Variants in PHF3 observed in about 807,000 individuals in gnomAD.
PHF3 encodes the protein PHD finger protein 3.
PHF3 carries 41 observed loss-of-function variants against 178.4 expected under a neutral mutation model. The observed-to-expected ratio is 0.23, with a 90% CI of 0.18 to 0.30. The LOEUF (loss-of-function observed/expected upper bound fraction) is 0.30, where lower values mean the gene tolerates loss of function less well. Ranked by LOEUF, PHF3 falls within the 10% of genes least tolerant of loss-of-function variation. PHF3 has a pLI of 1.00. For missense variants in PHF3, 2,346 were observed against 2,398.1 expected (o/e 0.98, Z 0.45); for synonymous variants, 842 against 800.5 (o/e 1.05, Z -0.88).
chr6:63,636,001 A>C lies in PHF3; in HGVS notation c.-175A>C. 2.5e-6 allele frequency: 1 copy of C among 397,690 alleles called. No homozygotes were observed. The highest frequency in any genetic ancestry group is 4.4e-6 in the Non-Finnish European group (1 of 225,468). 24.6% of individuals were successfully genotyped at this position (397,690 alleles called of 1,614,324 possible). A position where few individuals can be genotyped will look rare whatever the true frequency, so the allele number is the denominator to read the frequency against. ...TCAGCAGCAGCCATTTGGTCCCAGG[A>C]GGAAAAGAGGCTGTGGCAGCGACGC... On this transcript the variant is annotated 5_prime_UTR_variant, in exon 1 of 16. Coordinates refer to ENST00000262043, the MANE Select transcript of PHF3 (RefSeq NM_001370348.2).
chr6:63,698,040 G>GT (rs1160827676), intron 6 of PHF3, among the ~76,000 whole-genome samples, 183 bp from the exon 7 acceptor site: 4 of 152,140 alleles, frequency 2.6e-5, no homozygotes, highest in African/African-American at 4.8e-5. Context: ...AGTAGGACCA[G>GT]TTTTTAGTCA....
chr6:63,649,993 G>A (rs1001011956), intron 2 of PHF3, among the ~76,000 whole-genome samples: 4 of 152,140 alleles, frequency 2.6e-5, no homozygotes, highest in Admixed American at 1.3e-4. Context: ...AAACAAATGT[G>A]TTCCCTTTTT....
At chr6:63,693,445 G>A (rs1168670504) in intron 5 of PHF3, among the ~76,000 whole-genome samples, 2 of 152,034 alleles carry the variant, frequency 1.3e-5, no homozygotes, top group African/African-American at 2.4e-5. Flanking sequence ...GTGAAACCCC[G>A]TCTCTACTAA....
intron 2 of PHF3, among the ~76,000 whole-genome samples, chr6:63,657,357 C>T (rs1010570877): frequency 6.6e-6 from 1 of 152,132 alleles, no homozygotes; most frequent in Non-Finnish European, 1.5e-5. Context: ...CAGAAATTCG[C>T]ATATAACTTT....
chr6:63,699,677 C>T (rs766222824), intron 8 of PHF3, among the ~76,000 whole-genome samples: 3 of 152,082 alleles, frequency 2.0e-5, no homozygotes, highest in Admixed American at 2.0e-4. Flanking sequence ...CTGCAGCCTC[C>T]ACTCCCGGGT....
intron 4 of PHF3, among the ~76,000 whole-genome samples, chr6:63,689,838 AG>A (rs1420204001): frequency 6.6e-6 from 1 of 152,156 alleles, no homozygotes; most frequent in African/African-American, 2.4e-5. Context: ...TTTGTACTGT[AG>A]GTTTTTAAGT....
intron 3 of PHF3, among the ~76,000 whole-genome samples, chr6:63,680,688 T>C (rs1026302318): frequency 2.6e-5 from 4 of 152,108 alleles, no homozygotes; most frequent in African/African-American, 7.2e-5. Context: ...CTCAGTTGTT[T>C]AGTGTGTACA....
In PHF3 at chr6:63,711,588, C is replaced by G; in HGVS notation, c.4000C>G (p.Leu1334Val). ...TTGATGTTTTTGGTTTTATACAGGG[C>G]TTGAACTGCATAGACCTAATCTATT... ...HPLVPFDGPG[L>V]ELHRPNLLLG... is the part of the protein sequence containing the mutation. Residue 1334 changes from leucine to valine, a missense_variant and splice_region_variant, in exon 16 of 16, where the codon CTT becomes GTT. By Grantham distance (32) the Leu-to-Val change is conservative (BLOSUM62 1). Around this residue, in one of 8 missense-constraint regions of PHF3, gnomAD observed 90 missense variants for 136.6 expected, o/e 0.66. Transcript: ENST00000262043. 6.4e-7 allele frequency: 1 copy of G among 1,567,360 alleles called. No homozygotes were observed. The highest frequency in any genetic ancestry group is 1.4e-5 in the African/African-American group (1 of 72,256).
At chr6:63,648,255 G>T (rs865777429) in intron 2 of PHF3, among the ~76,000 whole-genome samples, 28 of 152,068 alleles carry the variant, frequency 1.8e-4, no homozygotes, top group African/African-American at 6.5e-4. Flanking sequence ...TGTATGCATT[G>T]TTCAAGTTTT....
intron 2 of PHF3, among the ~76,000 whole-genome samples, chr6:63,648,566 GAA>G (rs1164618711): frequency 3.3e-5 from 5 of 152,116 alleles, no homozygotes; most frequent in Non-Finnish European, 7.4e-5. Flanking sequence ...TGTTGATAAT[GAA>G]AAGTTTTTAT....
intron 8 of PHF3, 45 bp downstream of exon 8, chr6:63,698,650 G>C: frequency 7.6e-7 from 1 of 1,315,140 alleles, no homozygotes; most frequent in Non-Finnish European, 1.0e-6. Context: ...ACTTTCCTGA[G>C]TACATAGGTA....
intron 4 of PHF3, among the ~76,000 whole-genome samples, chr6:63,687,575 A>G: frequency 6.6e-6 from 1 of 152,178 alleles, no homozygotes; most frequent in East Asian, 1.9e-4. Flanking sequence ...GTGGACAGAG[A>G]GATGGAATAG....
chr6:63,654,598 A>C (rs1765152870), intron 2 of PHF3, among the ~76,000 whole-genome samples: 1 of 152,228 alleles, frequency 6.6e-6, no homozygotes, highest in African/African-American at 2.4e-5. Context: ...GGAAATGCCA[A>C]AAGATCGAAA....
intron 1 of PHF3, among the ~76,000 whole-genome samples, chr6:63,645,661 AT>A (rs1294323027): frequency 6.6e-6 from 1 of 152,164 alleles, no homozygotes; most frequent in Non-Finnish European, 1.5e-5. Flanking sequence ...AAATATGTTG[AT>A]TCAGTTTTCT....
intron 9 of PHF3, among the ~76,000 whole-genome samples, chr6:63,701,682 A>T (rs78743020): frequency 0.012 from 1,804 of 152,264 alleles, 30 homozygotes; most frequent in African/African-American, 0.042. Context: ...TTGACATATC[A>T]TACTTCTTCA....
intron 1 of PHF3, among the ~76,000 whole-genome samples, chr6:63,642,555 A>T (rs887086568): frequency 6.6e-6 from 1 of 152,228 alleles, no homozygotes; most frequent in Non-Finnish European, 1.5e-5. Flanking sequence ...TTGTCTGTAA[A>T]AATGAATTTA....
chr6:63,640,554 C>G (rs554144506), intron 1 of PHF3, among the ~76,000 whole-genome samples: 5 of 152,188 alleles, frequency 3.3e-5, no homozygotes, highest in Non-Finnish European at 7.3e-5. Context: ...TTTAACCTTA[C>G]AAACACATAG....
rs1330287684 is a variant in PHF3 at position 63,685,926 on chromosome 6, G to T, written c.2189+15G>T. 1.3e-6 allele frequency: 2 copies of T among 1,562,612 alleles called. No homozygotes were observed. Among genetic ancestry groups the T allele is most frequent in the South Asian group, 2.3e-5 (2 of 87,538 alleles). On this transcript the variant is annotated intron_variant, in intron 4 of 15. Transcript: ENST00000262043. ...CATGGCAACAGGTGTGTGTGTATGT[G>T]TGTATGAGTGATGTGTACATTGAAA...
At chr6:63,668,150 A>T (rs1765758144) in intron 2 of PHF3, among the ~76,000 whole-genome samples, 1 of 152,218 alleles carries the variant, frequency 6.6e-6, no homozygotes, top group African/African-American at 2.4e-5. Context: ...TATTTGCTGC[A>T]TTCTGGTAAG....
Sources: gnomAD v4.1 joint callset for allele counts (sites outside exome capture counted in the v4.1 genomes callset) on GRCh38, gnomAD v4.1.1 for gene constraint, gnomAD v4.1.1 regional missense constraint, MANE v1.5 for transcripts, NCBI Gene and HGNC (gene_info 2026-07-23, HGNC 2026-07-21) for gene names.